Variants in EFNA5 observed in about 807,000 individuals in gnomAD.
EFNA5 encodes the protein ephrin-A5.
Under a neutral mutation model 22.9 loss-of-function variants are expected in EFNA5, and 5 were observed. The observed-to-expected ratio is 0.22, with a 90% CI of 0.11 to 0.46. EFNA5 has a LOEUF of 0.46. Among genes scored for constraint, EFNA5 ranks in the 20% least tolerant of loss-of-function variants. The probability of loss-of-function intolerance (pLI) is 0.99; values close to 1 mark genes in which losing one functional copy is unlikely to be tolerated. For synonymous variants in EFNA5, 113 were observed against 112.2 expected, an observed-to-expected ratio of 1.01 and a Z score of -0.04; for missense variants, 237 against 293.3, an observed-to-expected ratio of 0.81 and a Z score of 1.40.
At chr5:107,502,383 G>C (rs544243944) in intron 1 of EFNA5, among the ~76,000 whole-genome samples, 2 of 152,258 alleles carry the variant, frequency 1.3e-5, no homozygotes, top group African/African-American at 4.8e-5. Flanking sequence ...ACATCAAACT[G>C]TTCCTCGACA....
rs1750710778 is a variant in EFNA5 at position 107,650,640 on chromosome 5, A to C, written c.125+19849T>G. Among the ~76,000 whole-genome samples the C allele has an allele frequency of 2.0e-5, 3 of 152,222 alleles. No individual in the cohort carries two copies. The South Asian group carries it at 6.2e-4, about 31-fold the overall frequency. Reference sequence around the variant, plus strand: ...GGTATATTGTTATTATGTAAACCAAAACTGACTTTAAGTGAAATAATTTAG... The same window carrying C: ...GGTATATTGTTATTATGTAAACCAACACTGACTTTAAGTGAAATAATTTAG... On this transcript the variant is annotated intron_variant, in intron 1 of 4. Transcript: ENST00000333274.
chr5:107,442,291 C>A (rs2112436978), intron 1 of EFNA5, among the ~76,000 whole-genome samples: 1 of 152,208 alleles, frequency 6.6e-6, no homozygotes, highest in Admixed American at 6.5e-5. Context: ...ATCATCTTAT[C>A]CAGCTGTTTC....
chr5:107,581,097 T>C (rs1474173875), intron 1 of EFNA5, among the ~76,000 whole-genome samples: 3 of 152,180 alleles, frequency 2.0e-5, no homozygotes, highest in Admixed American at 2.0e-4. Context: ...GTTGAGCAAT[T>C]CAGGCTGTGA....
intron 1 of EFNA5, among the ~76,000 whole-genome samples, chr5:107,567,326 ATC>A (rs1312594303): frequency 6.6e-6 from 1 of 152,214 alleles, no homozygotes; most frequent in Non-Finnish European, 1.5e-5. Context: ...CTTCCAGAAA[ATC>A]TGAGAGGGCT....
intron 1 of EFNA5, among the ~76,000 whole-genome samples, chr5:107,658,423 A>G (rs1448657352): frequency 1.3e-5 from 2 of 152,152 alleles, no homozygotes; most frequent in Non-Finnish European, 2.9e-5. Context: ...TCCCTGTCCC[A>G]TTACCTTTGT....
At chr5:107,642,387 T>C (rs1297218915) in intron 1 of EFNA5, among the ~76,000 whole-genome samples, 2 of 151,926 alleles carry the variant, frequency 1.3e-5, no homozygotes, top group Non-Finnish European at 2.9e-5. Flanking sequence ...TAGCTTGATT[T>C]AGCCATTCCA....
At position 107,653,326 on chromosome 5, in the gene EFNA5, A is replaced by AGT. The variant is rs529068715; in HGVS notation, c.125+17161_125+17162dup. On this transcript the variant is annotated intron_variant, in intron 1 of 4. Transcript: ENST00000333274. ...CAGTCTCCTAAGTTCTCCATAACCC[A>AGT]GTGTAAGCTCCAGCTGGCTTTGTAG... Among the ~76,000 whole-genome samples the AGT allele has an allele frequency of 5.3e-5, 8 of 152,144 alleles. No individual in the cohort carries two copies. The South Asian group carries it at 1.5e-3, about 28-fold the overall frequency.
At chr5:107,469,048 T>A (rs968632101) in intron 1 of EFNA5, among the ~76,000 whole-genome samples, 3 of 152,184 alleles carry the variant, frequency 2.0e-5, no homozygotes, top group Non-Finnish European at 2.9e-5. Context: ...ACCAACTAAG[T>A]GCTTAGCATT....
intron 1 of EFNA5, among the ~76,000 whole-genome samples, chr5:107,594,921 C>G (rs1269900057): frequency 6.6e-6 from 1 of 152,306 alleles, no homozygotes; most frequent in East Asian, 1.9e-4. Context: ...GACCTTCTGG[C>G]CAAAACAGCG....
chr5:107,382,159 C>G (rs1747484747), intron 4 of EFNA5, among the ~76,000 whole-genome samples: 1 of 152,092 alleles, frequency 6.6e-6, no homozygotes, highest in Admixed American at 6.6e-5. Flanking sequence ...TTTTATTTAG[C>G]TATAAAGTGT....
chr5:107,387,165 A>G, intron 4 of EFNA5, 70 bp downstream of exon 4: 1 of 1,138,102 alleles, frequency 8.8e-7, no homozygotes, highest in Non-Finnish European at 1.3e-6. Flanking sequence ...GAGAAGAAGA[A>G]AGGAAAAAAA....
intron 2 of EFNA5, among the ~76,000 whole-genome samples, chr5:107,401,860 G>A (rs1366891252): frequency 6.6e-6 from 1 of 152,166 alleles, no homozygotes; most frequent in Non-Finnish European, 1.5e-5. Flanking sequence ...CTGTAAGTGT[G>A]CTCCTTTGTT....
intron 1 of EFNA5, among the ~76,000 whole-genome samples, chr5:107,448,470 T>C (rs1749455706): frequency 1.3e-5 from 2 of 152,108 alleles, no homozygotes; most frequent in South Asian, 2.1e-4. Context: ...AGGTCATTTG[T>C]GGGCTTAAGG....
At chr5:107,643,178 G>C (rs1261288209) in intron 1 of EFNA5, among the ~76,000 whole-genome samples, 1 of 152,146 alleles carries the variant, frequency 6.6e-6, no homozygotes, top group Non-Finnish European at 1.5e-5. Context: ...CTCCTAAGTA[G>C]ATCTAACAAA....
chr5:107,446,095 C>G (rs1749385409), intron 1 of EFNA5, among the ~76,000 whole-genome samples: 1 of 152,176 alleles, frequency 6.6e-6, no homozygotes, highest in Non-Finnish European at 1.5e-5. Flanking sequence ...CTCTCCACAT[C>G]TCAGGTTCCT....
chr5:107,669,807 G>A (rs1051297245), intron 1 of EFNA5, among the ~76,000 whole-genome samples: 14 of 152,004 alleles, frequency 9.2e-5, no homozygotes, highest in African/African-American at 9.7e-5. Flanking sequence ...CAAACTTTCT[G>A]GCACCTTGAA....
chr5:107,482,078 G>A (rs1212686942), intron 1 of EFNA5, among the ~76,000 whole-genome samples: 4 of 152,104 alleles, frequency 2.6e-5, no homozygotes, highest in African/African-American at 9.7e-5. Flanking sequence ...GGGATGCTGA[G>A]GCAGGTGGAT....
At chr5:107,644,847 A>AT (rs771463186) in intron 1 of EFNA5, among the ~76,000 whole-genome samples, 44 of 152,112 alleles carry the variant, frequency 2.9e-4, no homozygotes, top group Non-Finnish European at 6.0e-4. Context: ...GATTACAGGC[A>AT]TGTGCCACAA....
At chr5:107,525,811 A>C (rs1747685617) in intron 1 of EFNA5, among the ~76,000 whole-genome samples, 1 of 152,084 alleles carries the variant, frequency 6.6e-6, no homozygotes, top group Non-Finnish European at 1.5e-5. Context: ...GCAGGCGCAC[A>C]CAGTTTAACT....
Sources: allele counts gnomAD v4.1 joint callset (sites outside exome capture counted in the v4.1 genomes callset), GRCh38; gene constraint gnomAD v4.1.1; transcripts MANE v1.5; gene names NCBI Gene and HGNC (gene_info 2026-07-23, HGNC 2026-07-21).